The following PCDHGA3 variants were observed in gnomAD, a reference collection of about 807,000 sequenced individuals.
PCDHGA3 encodes protocadherin gamma subfamily A, 3.
Under a neutral mutation model 58.5 loss-of-function variants are expected in PCDHGA3, and 40 were observed. The ratio of observed to expected loss-of-function variants is 0.68; its 90% CI spans 0.53 to 0.89. PCDHGA3 has a LOEUF of 0.89. Ranked by LOEUF, PCDHGA3 falls within the 40% of genes least tolerant of loss-of-function variation. The pLI, the probability that PCDHGA3 is intolerant of heterozygous loss-of-function variation, is 0.00. For missense variants in PCDHGA3, 1,223 were observed against 1,195.9 expected (o/e 1.02, Z -0.33); for synonymous variants, 530 against 525.7 (o/e 1.01, Z -0.11).
At chr5:141,399,512 C>T (rs2093823931) in intron 1 of PCDHGA3, 1 of 1,614,044 alleles carries the variant, frequency 6.2e-7, no homozygotes, top group East Asian at 2.2e-5. Context: ...GAAAACAACC[C>T]TCCTGGGGCC....
At chr5:141,364,797 T>C in intron 1 of PCDHGA3, 1 of 1,613,994 alleles carries the variant, frequency 6.2e-7, no homozygotes, top group Non-Finnish European at 8.5e-7. Context: ...GTGCTTCCCT[T>C]CGCGCGGGAT....
intron 1 of PCDHGA3, among the ~76,000 whole-genome samples, chr5:141,354,452 G>T (rs1759546066): frequency 6.6e-6 from 1 of 152,160 alleles, no homozygotes; most frequent in Non-Finnish European, 1.5e-5. Flanking sequence ...TATCCTATTT[G>T]TCAATCTCAT....
rs562192762 is a variant in PCDHGA3, at chr5:141,485,718, T to C, written c.2425-9089T>C. 1 of 1,614,058 alleles carries C rather than the reference T, an allele frequency of 6.2e-7. No homozygotes were observed. The highest frequency in any genetic ancestry group is 2.2e-5 in the East Asian group (1 of 44,866). On this transcript the variant is annotated intron_variant, in intron 1 of 3. Coordinates refer to ENST00000253812, the MANE Select transcript of PCDHGA3 (RefSeq NM_018916.4). This position sits in a 1 kb window ranked among gnomAD's most constrained non-coding sequence, Gnocchi z 5.7. ...TCCAATGAACACTTTGCACTGGATG[T>C]GAAGAAGCGCAGCGACGGCAGCCTG...
intron 1 of PCDHGA3, among the ~76,000 whole-genome samples, chr5:141,473,390 A>T (rs554428702): frequency 1.3e-5 from 2 of 152,190 alleles, no homozygotes; most frequent in Non-Finnish European, 2.9e-5. Flanking sequence ...GCCCTCCTGG[A>T]GCTTCTTTTT....
intron 2 of PCDHGA3, among the ~76,000 whole-genome samples, chr5:141,496,391 A>G (rs1473991011): frequency 1.3e-5 from 2 of 151,930 alleles, no homozygotes; most frequent in Admixed American, 6.6e-5. Flanking sequence ...ACCTTACCCT[A>G]CCTCCTCAAT....
Position 141,418,242 on chromosome 5 carries a change from A to T in PCDHGA3, c.2424+71785A>T, listed in dbSNP as rs779996033. ...ATTGTGGTGATTGAGGATGTTAATG[A>T]CCACGCCCCTCAATTCCGGAAAGAT... On this transcript the variant is annotated intron_variant, in intron 1 of 3. Transcript: ENST00000253812. The T allele has an allele frequency of 3.7e-6, 6 of 1,613,896 alleles. No individual in the cohort carries two copies. The East Asian group carries it at 1.3e-4, about 36-fold the overall frequency.
intron 1 of PCDHGA3, chr5:141,350,803 A>G (rs776584739): frequency 1.3e-5 from 21 of 1,613,898 alleles, no homozygotes. Flanking sequence ...CAACGAAGGA[A>G]AGTCCTGATG....
In PCDHGA3 at chr5:141,345,865, C is replaced by A. The variant is rs1250937992; in HGVS notation, c.1832C>A (p.Ala611Asp). 5 of 1,613,436 alleles carry A rather than the reference C, an allele frequency of 3.1e-6. No individual in the cohort carries two copies. The highest frequency in any genetic ancestry group is 4.2e-6 in the Non-Finnish European group (5 of 1,179,906). The change falls in exon 1 of 4, where the codon GCC (alanine) becomes GAC (aspartate). Residue 611 changes from alanine (A) to aspartate (D), a missense_variant. Around this residue, in one of 3 missense-constraint regions of PCDHGA3, gnomAD observed 107 missense variants for 159.8 expected, o/e 0.67. Transcript: ENST00000253812. ...NAWLSYRLLK[A>D]SEPGLFSVGL... ...TGGCTGTCCTACCGCCTGCTCAAGG[C>A]CAGCGAGCCGGGACTCTTCTCGGTG...
chr5:141,350,545 G>T, intron 1 of PCDHGA3: 1 of 1,614,032 alleles, frequency 6.2e-7, no homozygotes, highest in Non-Finnish European at 8.5e-7. Flanking sequence ...TTTGCGGAAG[G>T]AAACTTGAGT....
chr5:141,421,254 C>T, intron 1 of PCDHGA3: 1 of 1,607,460 alleles, frequency 6.2e-7, no homozygotes, highest in East Asian at 2.2e-5. Flanking sequence ...AGCGCGGGGA[C>T]CGCAGTCGGC....
intron 1 of PCDHGA3, among the ~76,000 whole-genome samples, chr5:141,456,640 TG>T (rs1258175023): frequency 6.6e-6 from 1 of 152,130 alleles, no homozygotes; most frequent in Non-Finnish European, 1.5e-5. Flanking sequence ...TTACTACAGG[TG>T]TTAATCCCAA....
At chr5:141,444,056 A>G (rs1055292734) in intron 1 of PCDHGA3, among the ~76,000 whole-genome samples, 7 of 151,740 alleles carry the variant, frequency 4.6e-5, no homozygotes, top group Non-Finnish European at 7.4e-5. Context: ...GGCATCTTCA[A>G]TCTAGATTCT....
intron 1 of PCDHGA3, chr5:141,430,886 T>C: frequency 6.2e-7 from 1 of 1,605,190 alleles, no homozygotes; most frequent in Non-Finnish European, 8.5e-7. Context: ...GGAGAAAGGC[T>C]CTAGGGTGGG....
At chr5:141,427,765 T>C (rs1331334394) in intron 1 of PCDHGA3, 3 of 1,387,170 alleles carry the variant, frequency 2.2e-6, no homozygotes, top group Non-Finnish European at 2.0e-6. Context: ...ACCACTGACT[T>C]GGAGCTGCGG....
intron 1 of PCDHGA3, chr5:141,376,596 T>C: frequency 6.5e-7 from 1 of 1,549,136 alleles, no homozygotes; most frequent in South Asian, 1.2e-5. Flanking sequence ...GATCGGCTGT[T>C]ATAGAAGCGA....
At chr5:141,420,088 C>T in intron 1 of PCDHGA3, 5 of 1,614,002 alleles carry the variant, frequency 3.1e-6, no homozygotes, top group Non-Finnish European at 4.2e-6. Context: ...CCCCCAACTA[C>T]AGTGAGGGAA....
At chr5:141,460,926 G>A (rs1180507724) in intron 1 of PCDHGA3, among the ~76,000 whole-genome samples, 4 of 145,540 alleles carry the variant, frequency 2.7e-5, no homozygotes, top group African/African-American at 2.6e-5. Flanking sequence ...ATATATATAT[G>A]TGTGTGTGTA....
intron 1 of PCDHGA3, chr5:141,421,807 G>C (rs1435916603): frequency 6.2e-7 from 1 of 1,613,852 alleles, no homozygotes; most frequent in Admixed American, 1.7e-5. Flanking sequence ...CAAGAATCCA[G>C]AGCTAGTACT....
At chr5:141,384,550 T>C (rs1262991038) in intron 1 of PCDHGA3, 1 of 1,614,220 alleles carries the variant, frequency 6.2e-7, no homozygotes, top group Non-Finnish European at 8.5e-7. Context: ...ACTGAGCCTG[T>C]TCGTGCTGGA....
Sources: gnomAD v4.1 joint callset for allele counts (sites outside exome capture counted in the v4.1 genomes callset) on GRCh38, gnomAD v4.1.1 for gene constraint, gnomAD v4.1.1 regional missense constraint, Gnocchi (gnomAD v3.1) non-coding constraint, MANE v1.5 for transcripts, NCBI Gene and HGNC (gene_info 2026-07-23, HGNC 2026-07-21) for gene names.